Variants in TPRG1 observed in about 807,000 individuals in gnomAD.
TPRG1 encodes the protein tumor protein p63 regulated 1, also known as tumor protein p63-regulated gene 1 protein.
Under a neutral mutation model 29.3 loss-of-function variants are expected in TPRG1, and 29 were observed. The observed-to-expected ratio is 0.99, with a 90% confidence interval of 0.74 to 1.35. The LOEUF (loss-of-function observed/expected upper bound fraction) is 1.35, where lower values mean the gene tolerates loss of function less well. Ranked by LOEUF, TPRG1 falls within the 40% of genes most tolerant of loss-of-function variation. The pLI is 0.00. For missense variants in TPRG1, 327 were observed against 335.0 expected, an observed-to-expected ratio of 0.98 and a Z score of 0.19; for synonymous variants, 130 against 116.8, an observed-to-expected ratio of 1.11 and a Z score of -0.73.
At chr3:189,212,027 G>A (rs1473391599) in intron 2 of TPRG1, 2 of 151,936 alleles carry the variant, frequency 1.3e-5, no homozygotes, top group African/African-American at 4.8e-5. Flanking sequence ...TGTGGAGACT[G>A]ATATTCAAAA....
At chr3:189,067,643 A>G (rs1578277855) in intron 4 of TPRG1, among the ~76,000 whole-genome samples, 1 of 152,168 alleles carries the variant, frequency 6.6e-6, no homozygotes, top group East Asian at 1.9e-4. Flanking sequence ...CTAGAGCCCT[A>G]TCTCTTCACA....
intron 1 of TPRG1, among the ~76,000 whole-genome samples, chr3:189,183,785 A>G (rs961668273): frequency 6.6e-6 from 1 of 151,868 alleles, no homozygotes; most frequent in Non-Finnish European, 1.5e-5. Context: ...TCTTTTTTCA[A>G]GATGCCCACA....
chr3:189,210,456 T>G lies in TPRG1; in HGVS notation c.210+2862T>G, dbSNP rs187337925. ...CAGTAAAAAGGAAGCTAACTCATTT[T>G]CTGAAGGGATAATTCAATAAGATAA... On this transcript the variant is annotated intron_variant, in intron 2 of 5. Coordinates refer to ENST00000345063, the MANE Select transcript of TPRG1 (RefSeq NM_198485.4). Among the ~76,000 whole-genome samples, 351 of 152,190 alleles carry G rather than the reference T, an allele frequency of 2.3e-3. 2 individuals carry two copies. Among genetic ancestry groups the G allele is most frequent in the Non-Finnish European group, 3.7e-3 (253 of 68,010 alleles).
chr3:189,016,309 A>T (rs1214169630), intron 3 of TPRG1, among the ~76,000 whole-genome samples: 4 of 152,068 alleles, frequency 2.6e-5, no homozygotes, highest in Non-Finnish European at 5.9e-5. Flanking sequence ...GAATGGGAGT[A>T]TTTACCCAAT....
chr3:189,112,098 A>G (rs1335625062), intron 1 of TPRG1, among the ~76,000 whole-genome samples: 1 of 152,124 alleles, frequency 6.6e-6, no homozygotes, highest in Non-Finnish European at 1.5e-5. Context: ...ATGATGAATT[A>G]CGCTAACTGA....
Position 189,209,715 on chromosome 3 carries a change from C to T in TPRG1, c.210+2121C>T, listed in dbSNP as rs138453849. On this transcript the variant is annotated intron_variant, in intron 2 of 5. Transcript: ENST00000345063. ...TCCAAGTCCAATACTTTCCTGACCA[C>T]GCACAGTAGAATTTATGGCTCCTTT... 1.7e-3 allele frequency among the ~76,000 whole-genome samples: 252 copies of T among 152,288 alleles called. 1 individual carries two copies. The highest frequency in any genetic ancestry group is 4.9e-3 in the African/African-American group (203 of 41,568).
intron 4 of TPRG1, among the ~76,000 whole-genome samples, chr3:189,257,829 C>T (rs989456772): frequency 1.4e-4 from 22 of 152,126 alleles, no homozygotes; most frequent in African/African-American, 4.6e-4. Context: ...ACAAGGTTCT[C>T]GTGCTATGTT....
In TPRG1 at chr3:189,215,340, G is replaced by T; in HGVS notation, c.259G>T (p.Glu87Ter). Residue 87 changes from glutamate to a stop codon, truncating the protein, a stop_gained, in exon 3 of 6, where the codon GAG (glutamate) becomes TAG (stop). Transcript: ENST00000345063. LOFTEE classifies it high-confidence loss of function. ...AMEDLKGHVA[E>*]TSGETIQGFW... is the part of the protein sequence containing the mutation. ...GGAAGACTTGAAAGGTCACGTAGCT[G>T]AGACTTCTGGAGAGACCATTCAAGG... is the stretch of plus-strand genomic sequence containing the variant. 1 of 1,611,902 alleles carries T rather than the reference G, an allele frequency of 6.2e-7. No individual in the cohort carries two copies. Among genetic ancestry groups the T allele is most frequent in the South Asian group, 1.1e-5 (1 of 90,492 alleles).
intron 4 of TPRG1, among the ~76,000 whole-genome samples, chr3:189,046,270 A>G (rs191311324): frequency 6.6e-6 from 1 of 152,320 alleles, no homozygotes; most frequent in Non-Finnish European, 1.5e-5. Flanking sequence ...CTGTTGGTGG[A>G]CAGAGATTGT....
At chr3:189,021,210 T>G (rs1100317) in intron 3 of TPRG1, among the ~76,000 whole-genome samples, 129,753 of 143,656 alleles carry the variant, frequency 0.9, 59,766 homozygotes, top group Non-Finnish European at 0.99. Context: ...GTCTTTTAAT[T>G]GGAGCATTTA....
At chr3:189,214,216 AT>A (rs1735693373) in intron 2 of TPRG1, among the ~76,000 whole-genome samples, 1 of 152,222 alleles carries the variant, frequency 6.6e-6, no homozygotes, top group African/African-American at 2.4e-5. Context: ...TAAAATGCTT[AT>A]TTTAGGATTA....
At chr3:189,022,235 CAA>C (rs1358119438) in intron 3 of TPRG1, among the ~76,000 whole-genome samples, 1 of 152,036 alleles carries the variant, frequency 6.6e-6, no homozygotes, top group East Asian at 1.9e-4. Flanking sequence ...TTCAGCTCGT[CAA>C]AGTCATTCTC....
intron 4 of TPRG1, among the ~76,000 whole-genome samples, chr3:189,040,011 A>C (rs764239477): frequency 6.6e-6 from 1 of 152,160 alleles, no homozygotes; most frequent in Non-Finnish European, 1.5e-5. Flanking sequence ...CATTACTTTA[A>C]GATACATTAC....
chr3:189,048,444 G>A (rs1301454686), intron 4 of TPRG1, among the ~76,000 whole-genome samples: 1 of 152,160 alleles, frequency 6.6e-6, no homozygotes, highest in Non-Finnish European at 1.5e-5. Flanking sequence ...TTCTCAGAAA[G>A]GTAAATGGGT....
intron 5 of TPRG1, chr3:189,150,910 A>G (rs887013345): frequency 2.4e-4 from 36 of 152,092 alleles, no homozygotes; most frequent in Admixed American, 2.0e-3. Flanking sequence ...ACAGCCCCAA[A>G]TCTCCCAACT....
chr3:189,315,425 C>T (rs112594506), intron 5 of TPRG1: 3 of 436,054 alleles, frequency 6.9e-6, no homozygotes, highest in Non-Finnish European at 1.4e-5. Flanking sequence ...TTATTTCATC[C>T]ACTTTGTATT....
rs182517168 is a variant in TPRG1, at chr3:189,093,926, C to T, written c.-462-33131C>T. Among the ~76,000 whole-genome samples, 12 of 152,132 alleles carry T rather than the reference C, an allele frequency of 7.9e-5. No individual in the cohort carries two copies. In the East Asian group the frequency reaches 2.3e-3, roughly 29 times the overall value. ...ATAATATTATTCTGGATAAAGAAAG[C>T]AGCCCAACAGAAAAGGGATGGTCAA... is the stretch of plus-strand genomic sequence containing the variant. On this transcript the variant is annotated intron_variant, in intron 4 of 10. Coordinates refer to the TPRG1 transcript ENST00000433971.
chr3:189,212,817 G>A (rs1016296335), intron 2 of TPRG1, among the ~76,000 whole-genome samples: 5 of 152,136 alleles, frequency 3.3e-5, no homozygotes, highest in East Asian at 1.9e-4. Context: ...TCATTACATC[G>A]AGAAAAATTA....
At chr3:189,089,529 C>T (rs1458448739) in intron 4 of TPRG1, among the ~76,000 whole-genome samples, 2 of 152,102 alleles carry the variant, frequency 1.3e-5, no homozygotes, top group Non-Finnish European at 2.9e-5. Context: ...TTATTTCTTA[C>T]AGCTATGGAG....
Sources: gnomAD v4.1 joint callset for allele counts (sites outside exome capture counted in the v4.1 genomes callset) on GRCh38, gnomAD v4.1.1 for gene constraint, MANE v1.5 for transcripts, NCBI Gene and HGNC (gene_info 2026-07-23, HGNC 2026-07-21) for gene names.